The following LRFN2 variants were observed in gnomAD, a reference collection of about 807,000 sequenced individuals.
LRFN2 encodes leucine-rich repeat and fibronectin type-III domain-containing protein 2.
LRFN2 carries 18 observed loss-of-function variants against 37.3 expected under a neutral mutation model. That is an observed-to-expected ratio of 0.48 (90% CI 0.33 to 0.72). The LOEUF (loss-of-function observed/expected upper bound fraction) is 0.72, where lower values mean the gene tolerates loss of function less well. Ranked by LOEUF, LRFN2 falls within the 30% of genes least tolerant of loss-of-function variation. The probability of loss-of-function intolerance (pLI) is 0.02; values close to 1 mark genes in which losing one functional copy is unlikely to be tolerated. For missense variants in LRFN2, 1,006 were observed against 1,060.7 expected (o/e 0.95, Z 0.72); for synonymous variants, 556 against 466.6 (o/e 1.19, Z -2.47).
intron 1 of LRFN2, among the ~76,000 whole-genome samples, chr6:40,573,776 G>A (rs1331295758): frequency 4.6e-5 from 7 of 152,284 alleles, no homozygotes; most frequent in South Asian, 4.1e-4. Context: ...TCATGAGTTC[G>A]AGACCAGCCT....
At chr6:40,511,091 G>A (rs1045625332) in intron 1 of LRFN2, among the ~76,000 whole-genome samples, 1 of 152,144 alleles carries the variant, frequency 6.6e-6, no homozygotes, top group Admixed American at 6.5e-5. Flanking sequence ...AGGGAACACA[G>A]AGTTGAGTTA....
rs1350373319 is a variant in LRFN2 at position 40,498,231 on chromosome 6, G to A, written c.-18-65100C>T. ...CAGGAGATGGGACACAGCTGGAAGG[G>A]TCTGTCACAGCCAGAGAGGTAAATA... On this transcript the variant is annotated intron_variant, in intron 1 of 2. Transcript: ENST00000338305. Among the ~76,000 whole-genome samples the A allele has an allele frequency of 2.6e-5, 4 of 152,108 alleles. No homozygotes were observed. The East Asian group carries it at 7.7e-4, about 29-fold the overall frequency.
At chr6:40,536,109 G>A (rs1045240531) in intron 1 of LRFN2, among the ~76,000 whole-genome samples, 2 of 152,162 alleles carry the variant, frequency 1.3e-5, no homozygotes, top group African/African-American at 4.8e-5. Flanking sequence ...CAGAGGCAGA[G>A]CAGGAGACCC....
intron 1 of LRFN2, among the ~76,000 whole-genome samples, chr6:40,479,020 C>T (rs945998189): frequency 3.3e-5 from 5 of 152,134 alleles, no homozygotes; most frequent in South Asian, 2.1e-4. Context: ...GGCACAGGTT[C>T]GGAAATTTTG....
At chr6:40,464,195 G>T (rs887154064) in intron 1 of LRFN2, among the ~76,000 whole-genome samples, 1 of 152,118 alleles carries the variant, frequency 6.6e-6, no homozygotes, top group African/African-American at 2.4e-5. Flanking sequence ...AGCAAGGACT[G>T]GTGTGTTTTT....
intron 1 of LRFN2, among the ~76,000 whole-genome samples, chr6:40,463,169 A>T (rs956156132): frequency 6.6e-6 from 1 of 152,204 alleles, no homozygotes; most frequent in South Asian, 2.1e-4. Flanking sequence ...CCACCTAGTT[A>T]GAGTTTATAT....
intron 1 of LRFN2, among the ~76,000 whole-genome samples, chr6:40,461,449 A>T (rs1764346062): frequency 6.6e-6 from 1 of 151,958 alleles, no homozygotes; most frequent in Non-Finnish European, 1.5e-5. Flanking sequence ...AATTATACAC[A>T]CTGCATGTCC....
chr6:40,556,751 A>ACGCG (rs1376229871), intron 1 of LRFN2, among the ~76,000 whole-genome samples: 16 of 133,072 alleles, frequency 1.2e-4, no homozygotes, highest in African/African-American at 4.8e-4. Context: ...ACACACACAC[A>ACGCG]CGCACACACT....
intron 1 of LRFN2, among the ~76,000 whole-genome samples, chr6:40,571,981 C>G (rs146533393): frequency 1.3e-3 from 205 of 152,302 alleles, no homozygotes; most frequent in African/African-American, 4.8e-3. Flanking sequence ...GTCTCCAAAA[C>G]AGGGGGGGCT....
intron 1 of LRFN2, among the ~76,000 whole-genome samples, chr6:40,467,879 A>G (rs899307271): frequency 1.3e-5 from 2 of 152,110 alleles, no homozygotes; most frequent in Non-Finnish European, 2.9e-5. Context: ...GGAGCCAAAT[A>G]TGACTTCCTG....
intron 2 of LRFN2, among the ~76,000 whole-genome samples, chr6:40,413,458 G>C (rs1402879957): frequency 1.3e-5 from 2 of 152,318 alleles, no homozygotes; most frequent in African/African-American, 4.8e-5. Flanking sequence ...CTCATGTAGG[G>C]CAGACACTGA....
intron 2 of LRFN2, among the ~76,000 whole-genome samples, chr6:40,409,690 A>G (rs1169610161): frequency 6.6e-6 from 1 of 152,178 alleles, no homozygotes; most frequent in Non-Finnish European, 1.5e-5. Context: ...CTACTTGGAC[A>G]CAGTATGTAA....
intron 1 of LRFN2, among the ~76,000 whole-genome samples, chr6:40,522,882 G>A (rs1239283929): frequency 6.6e-6 from 1 of 152,206 alleles, no homozygotes; most frequent in Non-Finnish European, 1.5e-5. Flanking sequence ...CTGTATGATG[G>A]GCAGAAACTG....
At chr6:40,508,564 G>A (rs1032786711) in intron 1 of LRFN2, among the ~76,000 whole-genome samples, 8 of 152,152 alleles carry the variant, frequency 5.3e-5, no homozygotes, top group Non-Finnish European at 1.5e-5. Context: ...TCAAATTCTT[G>A]TTCTACTGCA....
intron 1 of LRFN2, among the ~76,000 whole-genome samples, chr6:40,538,364 T>C (rs986447421): frequency 1.1e-4 from 16 of 152,016 alleles, no homozygotes; most frequent in African/African-American, 3.9e-4. Flanking sequence ...ACCCACTACC[T>C]TCCCTCTGAC....
intron 1 of LRFN2, among the ~76,000 whole-genome samples, chr6:40,449,711 A>G (rs1764058329): frequency 6.6e-6 from 1 of 152,198 alleles, no homozygotes; most frequent in Non-Finnish European, 1.5e-5. Flanking sequence ...TCTGTTTTAA[A>G]TAGTTTAAGA....
At chr6:40,505,983 C>T (rs1765523966) in intron 1 of LRFN2, among the ~76,000 whole-genome samples, 1 of 152,208 alleles carries the variant, frequency 6.6e-6, no homozygotes, top group Non-Finnish European at 1.5e-5. Context: ...TTCCCCATCT[C>T]AATATTCAGG....
intron 2 of LRFN2, among the ~76,000 whole-genome samples, chr6:40,419,498 C>A (rs1763172183): frequency 6.6e-6 from 1 of 152,192 alleles, no homozygotes; most frequent in African/African-American, 2.4e-5. Flanking sequence ...CAGCCCAGCC[C>A]AGGCCAGACC....
At position 40,479,627 on chromosome 6, in the gene LRFN2, T is replaced by G. The variant is rs552874527; in HGVS notation, c.-18-46496A>C. On this transcript the variant is annotated intron_variant, in intron 1 of 2. Transcript: ENST00000338305. ...GAGAAGCATAATCCTGAGTGGGTTT[T>G]GCTAAAACAACGTGAAGGAAGATCC... Among the ~76,000 whole-genome samples the G allele has an allele frequency of 7.2e-5, 11 of 152,318 alleles. No homozygotes were observed. In the South Asian group the frequency reaches 2.3e-3, roughly 32 times the overall value.
Sources: allele counts gnomAD v4.1 joint callset (sites outside exome capture counted in the v4.1 genomes callset), GRCh38; gene constraint gnomAD v4.1.1; transcripts MANE v1.5; gene names NCBI Gene and HGNC (gene_info 2026-07-23, HGNC 2026-07-21).